Variants in LMAN2L observed in about 807,000 individuals in gnomAD.
LMAN2L encodes VIP36-like protein.
A neutral mutation model predicts 44.3 loss-of-function variants in LMAN2L; 30 were observed. The observed-to-expected ratio is 0.68, with a 90% CI of 0.51 to 0.92. The LOEUF (loss-of-function observed/expected upper bound fraction) is 0.92, where lower values mean the gene tolerates loss of function less well. LMAN2L is among the 40% of genes least tolerant of loss of function. The pLI is 0.00. For synonymous variants in LMAN2L, 183 were observed against 171.1 expected, an observed-to-expected ratio of 1.07 and a Z score of -0.54; for missense variants, 429 against 446.1, an observed-to-expected ratio of 0.96 and a Z score of 0.35.
intron 4 of LMAN2L, among the ~76,000 whole-genome samples, chr2:96,717,577 C>T (rs2078065767): frequency 6.6e-6 from 1 of 150,500 alleles, no homozygotes; most frequent in Non-Finnish European, 1.5e-5. Context: ...CAGTAGCTCA[C>T]ACCTGTAACC....
chr2:96,708,981 C>A (rs2077850596), intron 6 of LMAN2L, among the ~76,000 whole-genome samples: 2 of 134,634 alleles, frequency 1.5e-5, no homozygotes, highest in South Asian at 4.6e-4. Flanking sequence ...ATGGCACGAT[C>A]TCGGCTCACT....
chr2:96,732,535 G>A (rs957731802), intron 4 of LMAN2L, among the ~76,000 whole-genome samples: 7 of 151,556 alleles, frequency 4.6e-5, no homozygotes, highest in South Asian at 2.1e-4. Flanking sequence ...TCCCAGCTAC[G>A]CGGGAGGCTG....
chr2:96,735,339 C>G (rs910289410), intron 2 of LMAN2L, among the ~76,000 whole-genome samples: 8 of 152,204 alleles, frequency 5.3e-5, no homozygotes, highest in Admixed American at 5.2e-4. Context: ...ATAGACTGTT[C>G]TGGGCAACTA....
At chr2:96,720,865 G>C (rs1039745966) in intron 4 of LMAN2L, among the ~76,000 whole-genome samples, 4 of 152,098 alleles carry the variant, frequency 2.6e-5, no homozygotes, top group Middle Eastern at 3.2e-3. Flanking sequence ...CTTGAACCTG[G>C]GAGATGGACG....
intron 4 of LMAN2L, among the ~76,000 whole-genome samples, chr2:96,721,575 A>G (rs1413629190): frequency 1.3e-5 from 2 of 151,822 alleles, no homozygotes; most frequent in Non-Finnish European, 2.9e-5. Flanking sequence ...ATCATAGCTC[A>G]CTACAGCCTT....
intron 4 of LMAN2L, among the ~76,000 whole-genome samples, chr2:96,727,593 A>T (rs1327824302): frequency 6.6e-6 from 1 of 152,230 alleles, no homozygotes; most frequent in Non-Finnish European, 1.5e-5. Context: ...CAGATGCATT[A>T]CTGGTTGCTA....
intron 7 of LMAN2L, 68 bp downstream of exon 7, chr2:96,707,646 G>A: frequency 6.3e-7 from 1 of 1,577,196 alleles, no homozygotes; most frequent in South Asian, 1.2e-5. Context: ...CGCCCTGTGA[G>A]CTATGGGTAC....
chr2:96,734,515 C>T lies in LMAN2L; in HGVS notation c.318G>A (p.Leu106=). ...AGTGCACCTGCAACTCCCAGTCTCT[C>T]AGGAAACATGGCTAAAGTGAGAAAG... The part of the protein sequence containing the change: ...GALWNRVPCF[L]RDWELQVHFK... The change falls in exon 3 of 8, where the codon CTG becomes CTA. Residue 106 remains leucine (L), a synonymous_variant. Coordinates refer to ENST00000264963, the MANE Select transcript of LMAN2L (RefSeq NM_030805.4). 3 of 1,606,050 alleles carry T rather than the reference C, an allele frequency of 1.9e-6. No individual in the cohort carries two copies. The highest frequency in any genetic ancestry group is 2.6e-6 in the Non-Finnish European group (3 of 1,172,684).
intron 1 of LMAN2L, among the ~76,000 whole-genome samples, chr2:96,738,656 C>T (rs1311163912): frequency 3.3e-5 from 5 of 152,038 alleles, no homozygotes; most frequent in Non-Finnish European, 5.9e-5. Flanking sequence ...GCCTAGGCAA[C>T]GGAACAAGAC....
chr2:96,728,965 G>A (rs1184869333), intron 4 of LMAN2L, among the ~76,000 whole-genome samples: 1 of 152,046 alleles, frequency 6.6e-6, no homozygotes, highest in Non-Finnish European at 1.5e-5. Context: ...GAGGTCAGGA[G>A]ATCAAGACCA....
At position 96,706,681 on chromosome 2, in the gene LMAN2L, C is replaced by G. The variant is rs1229929554; in HGVS notation, c.*575G>C. 1 of 152,370 alleles carries G rather than the reference C, an allele frequency of 6.6e-6. No individual in the cohort carries two copies. The highest frequency in any genetic ancestry group is 1.9e-4 in the East Asian group (1 of 5,198). 9.4% of individuals were successfully genotyped at this position (152,370 alleles called of 1,614,324 possible). On this transcript the variant is annotated 3_prime_UTR_variant, in exon 8 of 8. Transcript: ENST00000264963. ...GCAGCCCCAGGCCCCAACAGAGAGGCATCCAAATGCCTTTCCCAGCTCAGG... is the reference window on the plus strand; with the variant it reads ...GCAGCCCCAGGCCCCAACAGAGAGGGATCCAAATGCCTTTCCCAGCTCAGG...
At chr2:96,721,672 G>A (rs182429280) in intron 4 of LMAN2L, among the ~76,000 whole-genome samples, 1 of 151,756 alleles carries the variant, frequency 6.6e-6, no homozygotes, top group African/African-American at 2.4e-5. Flanking sequence ...TAAAGATGGG[G>A]TCTCCCTATG....
intron 4 of LMAN2L, among the ~76,000 whole-genome samples, chr2:96,723,452 C>T (rs1471257316): frequency 6.6e-6 from 1 of 152,148 alleles, no homozygotes; most frequent in Non-Finnish European, 1.5e-5. Context: ...ATATGATTTG[C>T]ATATATCTTT....
rs765654698 is a variant in LMAN2L at position 96,733,607 on chromosome 2, G to A, written c.425-6C>T. ...CATGTTTCCAAACACAGGCCCTAGA[G>A]AGAGAGAACAGATGATGAACAATGA... On this transcript the variant is annotated splice_region_variant and splice_polypyrimidine_tract_variant and intron_variant, in intron 3 of 7. Transcript: ENST00000264963. The A allele has an allele frequency of 3.1e-6, 5 of 1,607,198 alleles. No homozygotes were observed. Among genetic ancestry groups the A allele is most frequent in the Non-Finnish European group, 4.3e-6 (5 of 1,173,816 alleles).
In LMAN2L at chr2:96,733,620, T is replaced by C. The variant is rs1475075396; in HGVS notation, c.425-19A>G. The C allele has an allele frequency of 5.1e-6, 8 of 1,573,588 alleles. No homozygotes were observed. In the South Asian group the frequency reaches 8.9e-5, roughly 17 times the overall value. ...ACAGGCCCTAGAGAGAGAGAACAGATGATGAACAATGAAATAAAGCTAAGA... is the reference window on the plus strand; with the variant it reads ...ACAGGCCCTAGAGAGAGAGAACAGACGATGAACAATGAAATAAAGCTAAGA... On this transcript the variant is annotated intron_variant, in intron 3 of 7. Transcript: ENST00000264963.
intron 6 of LMAN2L, among the ~76,000 whole-genome samples, chr2:96,710,075 G>C (rs1186813752): frequency 1.3e-5 from 2 of 152,168 alleles, no homozygotes; most frequent in Non-Finnish European, 2.9e-5. Flanking sequence ...CCACAGGTCT[G>C]GCCTGCTCGG....
intron 4 of LMAN2L, among the ~76,000 whole-genome samples, chr2:96,713,572 G>A (rs542437092): frequency 6.1e-4 from 93 of 152,318 alleles, no homozygotes; most frequent in South Asian, 2.1e-3. Context: ...CAAGGGGAAA[G>A]AGGAGACAAC....
chr2:96,739,343 T>G (rs1333218641), intron 1 of LMAN2L, among the ~76,000 whole-genome samples: 1 of 152,256 alleles, frequency 6.6e-6, no homozygotes, highest in Non-Finnish European at 1.5e-5. Flanking sequence ...ATTTTCTGGC[T>G]GATAAGCTGT....
At chr2:96,737,042 G>GA in intron 2 of LMAN2L, 1 of 397,714 alleles carries the variant, frequency 2.5e-6, no homozygotes, top group Non-Finnish European at 4.9e-6. Flanking sequence ...GAATTCCAGA[G>GA]AAAGTATCAA....
Sources: allele counts gnomAD v4.1 joint callset (sites outside exome capture counted in the v4.1 genomes callset), GRCh38; gene constraint gnomAD v4.1.1; transcripts MANE v1.5; gene names NCBI Gene and HGNC (gene_info 2026-07-23, HGNC 2026-07-21).